The following ASIP variants were observed in gnomAD, a reference collection of about 807,000 sequenced individuals.
The protein encoded by ASIP is agouti signaling protein, also known as agouti-signaling protein.
A neutral mutation model predicts 10.3 loss-of-function variants in ASIP; 11 were observed. The ratio of observed to expected loss-of-function variants is 1.07; its 90% CI spans 0.68 to 1.78. ASIP has a LOEUF of 1.78. Ranked by LOEUF, ASIP falls within the 40% of genes most tolerant of loss-of-function variation. The probability of loss-of-function intolerance (pLI) is 0.00; values close to 1 mark genes in which losing one functional copy is unlikely to be tolerated. For missense variants in ASIP, 180 were observed against 169.2 expected, an observed-to-expected ratio of 1.06 and a Z score of -0.35; for synonymous variants, 70 against 70.8, an observed-to-expected ratio of 0.99 and a Z score of 0.06.
chr20:34,196,070 C>G (rs537438703), intron 1 of ASIP, among the ~76,000 whole-genome samples: 1 of 150,788 alleles, frequency 6.6e-6, no homozygotes, highest in African/African-American at 2.4e-5. Context: ...AGCATTCTAG[C>G]AAAGATGCCA....
At chr20:34,198,525 C>T (rs1169899481) in intron 1 of ASIP, among the ~76,000 whole-genome samples, 1 of 152,082 alleles carries the variant, frequency 6.6e-6, no homozygotes, top group African/African-American at 2.4e-5. Flanking sequence ...CTCCCTCTGT[C>T]ACCCAGGCTG....
chr20:34,230,813 G>A (rs1227559861), intron 1 of ASIP, among the ~76,000 whole-genome samples: 3 of 36,898 alleles, frequency 8.1e-5, no homozygotes, highest in Admixed American at 2.7e-4. Flanking sequence ...GCTGCCGGGC[G>A]GAGACGCTCC....
chr20:34,242,160 T>C lies in ASIP; in HGVS notation c.-11+671T>C, dbSNP rs1459612183. 2.4e-4 allele frequency among the ~76,000 whole-genome samples: 37 copies of C among 152,084 alleles called. 1 individual carries two copies. The highest frequency in any genetic ancestry group is 2.4e-3 in the Admixed American group (36 of 15,276). ...ATTAAAGAGGCTAAATGGGATGGCA[T>C]AGTGAAGTCATTTTTGGTTTCCTTT... On this transcript the variant is annotated intron_variant, in intron 1 of 3. Transcript: ENST00000374954.
At position 34,235,899 on chromosome 20, in the gene ASIP, A is replaced by AAGG. The variant is rs1491250719; in HGVS notation, c.-10-24465_-10-24464insGGA. Among the ~76,000 whole-genome samples, 45 of 64,608 alleles carry AAGG rather than the reference A, an allele frequency of 7.0e-4. 5 individuals carry two copies. Among genetic ancestry groups the AAGG allele is most frequent in the Middle Eastern group, 0.014 (2 of 138 alleles). 42.4% of individuals were successfully genotyped at this position (64,608 alleles called of 152,430 possible). On this transcript the variant is annotated intron_variant, in intron 1 of 3. Transcript: ENST00000568305. The stretch of plus-strand genomic sequence containing the variant: ...GAAGGAAGGAAGGAAGGAAGGAAGG[A>AAGG]AAGGAAGGAAGGAAGGAAGGAAGGA...
chr20:34,262,175 G>A (rs2035705297), intron 2 of ASIP, among the ~76,000 whole-genome samples: 1 of 152,110 alleles, frequency 6.6e-6, no homozygotes, highest in Non-Finnish European at 1.5e-5. Flanking sequence ...AGACAGGGAA[G>A]GGAGGAACAT....
chr20:34,199,745 C>T (rs2034880913), intron 1 of ASIP, among the ~76,000 whole-genome samples: 1 of 152,108 alleles, frequency 6.6e-6, no homozygotes, highest in Admixed American at 6.6e-5. Flanking sequence ...TATCATCTCC[C>T]ACAAGGCTAT....
intron 1 of ASIP, among the ~76,000 whole-genome samples, chr20:34,201,048 CTTT>C (rs2034895249): frequency 2.8e-5 from 3 of 107,354 alleles, no homozygotes; most frequent in African/African-American, 9.3e-5. Context: ...TTCTTTCTTT[CTTT>C]CTTTCTTTCT....
chr20:34,232,040 C>T (rs1032776041), intron 1 of ASIP, among the ~76,000 whole-genome samples: 6 of 152,220 alleles, frequency 3.9e-5, no homozygotes, highest in African/African-American at 1.4e-4. Flanking sequence ...TTAACTTTTG[C>T]ATCAGCTCTT....
chr20:34,246,194 T>A (rs1225035124), intron 1 of ASIP: 4 of 1,361,156 alleles, frequency 2.9e-6, no homozygotes, highest in African/African-American at 2.9e-5. Flanking sequence ...AATTTTGGCC[T>A]TAGTAAGCTT....
intron 1 of ASIP, chr20:34,214,016 T>G: frequency 6.8e-7 from 1 of 1,474,532 alleles, no homozygotes; most frequent in East Asian, 2.3e-5. Flanking sequence ...AGATTCCTCA[T>G]TAAGGCTTCT....
At chr20:34,216,963 A>G (rs770779497) in intron 1 of ASIP, among the ~76,000 whole-genome samples, 2 of 152,146 alleles carry the variant, frequency 1.3e-5, no homozygotes, top group African/African-American at 2.4e-5. Context: ...GAGGTTCTAT[A>G]TGATGTTATC....
At chr20:34,266,488 C>T (rs1007164870) in intron 3 of ASIP, among the ~76,000 whole-genome samples, 2 of 152,080 alleles carry the variant, frequency 1.3e-5, no homozygotes, top group Non-Finnish European at 2.9e-5. Context: ...GCCTAGCCAA[C>T]ATGGTGAAAC....
intron 1 of ASIP, among the ~76,000 whole-genome samples, chr20:34,247,710 G>A (rs1018306055): frequency 6.6e-6 from 1 of 151,966 alleles, no homozygotes; most frequent in African/African-American, 2.4e-5. Flanking sequence ...CTAGACTCAA[G>A]TGATCCTCCT....
chr20:34,223,260 G>A (rs1288907210), intron 1 of ASIP, among the ~76,000 whole-genome samples: 37 of 150,124 alleles, frequency 2.5e-4, no homozygotes, highest in African/African-American at 8.9e-4. Flanking sequence ...CTGAGATGTG[G>A]GGAGCGCCTC....
At chr20:34,203,695 C>G (rs184504945) in intron 1 of ASIP, among the ~76,000 whole-genome samples, 1 of 151,948 alleles carries the variant, frequency 6.6e-6, no homozygotes, top group Non-Finnish European at 1.5e-5. Context: ...ATGCACCCAG[C>G]CTTATAAGTG....
intron 1 of ASIP, chr20:34,245,840 G>T: frequency 1.3e-6 from 1 of 765,200 alleles, no homozygotes; most frequent in Non-Finnish European, 1.7e-6. Flanking sequence ...TTTTACTGTA[G>T]AATATATATA....
At chr20:34,213,961 AAATTTTCTAACAG>A in intron 1 of ASIP, 1 of 1,576,670 alleles carries the variant, frequency 6.3e-7, no homozygotes, top group Admixed American at 1.9e-5. Context: ...TGCCAGCATC[AAATTTTCTAACAG>A]AATTTTAAAC....
intron 1 of ASIP, chr20:34,246,052 A>C: frequency 1.1e-6 from 1 of 913,760 alleles, no homozygotes; most frequent in South Asian, 1.4e-5. Context: ...GTCTCCCCGA[A>C]TAATTTCATC....
chr20:34,202,621 A>G (rs1413993807), intron 1 of ASIP, among the ~76,000 whole-genome samples: 1 of 151,674 alleles, frequency 6.6e-6, no homozygotes, highest in Non-Finnish European at 1.5e-5. Flanking sequence ...TTATTAATCC[A>G]TTGTCTATCT....
Sources: gnomAD v4.1 joint callset for allele counts (sites outside exome capture counted in the v4.1 genomes callset) on GRCh38, gnomAD v4.1.1 for gene constraint, MANE v1.5 for transcripts, NCBI Gene and HGNC (gene_info 2026-07-23, HGNC 2026-07-21) for gene names.